Variants in VAV3 observed in about 807,000 individuals in gnomAD.
VAV3 encodes the protein guanine nucleotide exchange factor VAV3.
A neutral mutation model predicts 131.2 loss-of-function variants in VAV3; 94 were observed. The observed-to-expected ratio is 0.72, with a 90% CI of 0.61 to 0.85. The LOEUF is 0.85. VAV3 is among the 40% of genes least tolerant of loss of function. The probability of loss-of-function intolerance (pLI) is 0.00; values close to 1 mark genes in which losing one functional copy is unlikely to be tolerated. For missense variants in VAV3, 939 were observed against 1,002.7 expected, an observed-to-expected ratio of 0.94 and a Z score of 0.86; for synonymous variants, 349 against 342.0, an observed-to-expected ratio of 1.02 and a Z score of -0.22.
At chr1:107,890,889 T>A (rs1278305766) in intron 1 of VAV3, among the ~76,000 whole-genome samples, 7 of 152,206 alleles carry the variant, frequency 4.6e-5, no homozygotes, top group Admixed American at 4.6e-4. Flanking sequence ...CCTAATTAGG[T>A]ATTTATAAGC....
At chr1:107,779,388 T>C in intron 3 of VAV3, 46 bp downstream of exon 3, 1 of 1,509,648 alleles carries the variant, frequency 6.6e-7, no homozygotes, top group East Asian at 2.4e-5. Context: ...AAAGAATCAT[T>C]ACACTGAACT....
At chr1:107,909,516 G>A (rs183823136) in intron 1 of VAV3, among the ~76,000 whole-genome samples, 19 of 152,218 alleles carry the variant, frequency 1.2e-4, no homozygotes, top group Admixed American at 1.2e-3. Flanking sequence ...TTAAAAACCT[G>A]CTGAACCCAT....
At chr1:107,603,298 A>T in intron 22 of VAV3, 135 bp from the exon 23 acceptor site, 1 of 648,958 alleles carries the variant, frequency 1.5e-6, no homozygotes, top group South Asian at 2.1e-5. Flanking sequence ...TACATTGTTT[A>T]AGAAAAATAA....
chr1:107,818,373 T>C (rs1667648350), intron 2 of VAV3, among the ~76,000 whole-genome samples: 2 of 152,152 alleles, frequency 1.3e-5, no homozygotes, highest in Admixed American at 1.3e-4. Context: ...CAGTTTTTTT[T>C]TTTTAAACCA....
intron 1 of VAV3, among the ~76,000 whole-genome samples, chr1:107,939,819 C>T (rs1265822407): frequency 6.6e-6 from 1 of 152,116 alleles, no homozygotes; most frequent in East Asian, 1.9e-4. Context: ...ACTAAACTGA[C>T]CATTGCTCTT....
In VAV3 at chr1:107,875,095, C is replaced by T. The variant is rs1007732741; in HGVS notation, c.205-78G>A. ...CCACCCTCTGTAACACTCAAGACTGCTCTAAAAATGACAAGAAAGCATCAA... is the reference window on the plus strand; with the variant it reads ...CCACCCTCTGTAACACTCAAGACTGTTCTAAAAATGACAAGAAAGCATCAA... On this transcript the variant is annotated intron_variant, in intron 1 of 26. Transcript: ENST00000370056. The T allele has an allele frequency of 4.1e-6, 5 of 1,225,036 alleles. No homozygotes were observed. In the African/African-American group the frequency reaches 6.1e-5, roughly 15 times the overall value. 75.9% of individuals were successfully genotyped at this position (1,225,036 alleles called of 1,614,324 possible). A position where few individuals can be genotyped will look rare whatever the true frequency, so the allele number is the denominator to read the frequency against.
At chr1:107,818,881 A>G (rs1667671578) in intron 2 of VAV3, among the ~76,000 whole-genome samples, 1 of 152,194 alleles carries the variant, frequency 6.6e-6, no homozygotes, top group Non-Finnish European at 1.5e-5. Flanking sequence ...ACATAACATT[A>G]TAGGCCTCAC....
intron 1 of VAV3, among the ~76,000 whole-genome samples, chr1:107,921,584 T>C (rs183182196): frequency 1.3e-5 from 2 of 152,316 alleles, no homozygotes; most frequent in East Asian, 1.9e-4. Flanking sequence ...ACATGAAACC[T>C]GCCTGACAGC....
chr1:107,679,500 C>G (rs1658452619), intron 19 of VAV3, among the ~76,000 whole-genome samples: 1 of 152,160 alleles, frequency 6.6e-6, no homozygotes, highest in Non-Finnish European at 1.5e-5. Flanking sequence ...AAGCTAGTGA[C>G]TGTAGGCTTA....
rs531262645 is a variant in VAV3 at position 107,768,450 on chromosome 1, G to C, written c.708C>G (p.Ile236Met). 8 of 1,611,592 alleles carry C rather than the reference G, an allele frequency of 5.0e-6. No homozygotes were observed. The South Asian group carries it at 7.7e-5, about 16-fold the overall frequency. Reference sequence around the variant, plus strand: ...GCATATTTTTACTCACAGGAATGTTGATGAATACTGAATCAAATTCTGCTG... The same window carrying C: ...GCATATTTTTACTCACAGGAATGTTCATGAATACTGAATCAAATTCTGCTG... ...LTAAEFDSVF[I>M]NIPELVKLHR... The change falls in exon 7 of 27, where the codon ATC (isoleucine) becomes ATG (methionine). Residue 236 changes from isoleucine to methionine, a missense_variant. Physicochemically the swap from Ile to Met is conservative, Grantham distance 10. Coordinates refer to ENST00000370056, the MANE Select transcript of VAV3 (RefSeq NM_006113.5).
intron 1 of VAV3, among the ~76,000 whole-genome samples, chr1:107,932,667 G>A (rs1673499419): frequency 6.6e-6 from 1 of 152,168 alleles, no homozygotes; most frequent in African/African-American, 2.4e-5. Flanking sequence ...GATTACCTGG[G>A]TGAGTCCTAA....
chr1:107,691,010 C>A (rs1450265576), intron 17 of VAV3, among the ~76,000 whole-genome samples: 2 of 152,072 alleles, frequency 1.3e-5, no homozygotes, highest in African/African-American at 2.4e-5. Flanking sequence ...AAGGCAAAAC[C>A]CAAAGGAGTA....
chr1:107,760,789 G>A lies in VAV3; in HGVS notation c.1012C>T (p.Leu338Phe), dbSNP rs1275401369. Residue 338 changes from leucine to phenylalanine, a missense_variant, in exon 10 of 27, where the codon CTC becomes TTC. Leu to Phe is a conservative substitution (Grantham distance 22). Transcript: ENST00000370056. ...AACTGTTTTAAGTTACATACCTGGAGGAGAAGGTGGTACTTTAAAACACGT... is the reference window on the plus strand; with the variant it reads ...AACTGTTTTAAGTTACATACCTGGAAGAGAAGGTGGTACTTTAAAACACGT... ...MQRVLKYHLL[L>F]QELVKHTTDP... 3 of 1,610,200 alleles carry A rather than the reference G, an allele frequency of 1.9e-6. No individual in the cohort carries two copies. The highest frequency in any genetic ancestry group is 2.7e-5 in the African/African-American group (2 of 74,850).
intron 15 of VAV3, among the ~76,000 whole-genome samples, chr1:107,705,351 C>T (rs1470680968): frequency 7.6e-6 from 1 of 131,302 alleles, no homozygotes; most frequent in Non-Finnish European, 1.6e-5. Context: ...GTCAACCTGC[C>T]TGGAAAAAAA....
intron 1 of VAV3, among the ~76,000 whole-genome samples, chr1:107,926,107 C>T (rs1412662513): frequency 6.6e-6 from 1 of 151,848 alleles, no homozygotes; most frequent in African/African-American, 2.4e-5. Context: ...TGGTGAAGCC[C>T]CATCTCTACT....
chr1:107,884,285 GGACA>G (rs2101042760), intron 1 of VAV3, among the ~76,000 whole-genome samples: 1 of 151,260 alleles, frequency 6.6e-6, no homozygotes, highest in South Asian at 2.1e-4. Context: ...ATGTTTGAGG[GGACA>G]GATACCTAAT....
At chr1:107,801,101 G>T (rs1666809036) in intron 2 of VAV3, among the ~76,000 whole-genome samples, 1 of 151,916 alleles carries the variant, frequency 6.6e-6, no homozygotes, top group Non-Finnish European at 1.5e-5. Flanking sequence ...TGTTCTTGGA[G>T]CCTATGTCTA....
intron 15 of VAV3, among the ~76,000 whole-genome samples, chr1:107,736,767 T>A (rs1425827039): frequency 1.3e-5 from 2 of 151,996 alleles, no homozygotes; most frequent in African/African-American, 2.4e-5. Flanking sequence ...ATCGTAAAAA[T>A]GGCCATACTG....
chr1:107,737,584 G>C (rs537565131), intron 15 of VAV3, among the ~76,000 whole-genome samples: 3 of 152,306 alleles, frequency 2.0e-5, no homozygotes, highest in Admixed American at 2.0e-4. Flanking sequence ...CATTTATGCA[G>C]CCAACAGACA....
Sources: allele counts gnomAD v4.1 joint callset (sites outside exome capture counted in the v4.1 genomes callset), GRCh38; gene constraint gnomAD v4.1.1; transcripts MANE v1.5; gene names NCBI Gene and HGNC (gene_info 2026-07-23, HGNC 2026-07-21).